SLCO3A1: variants seen among roughly 807,000 people sequenced by gnomAD.
SLCO3A1 encodes solute carrier organic anion transporter family member 3A1, also known as PGE1 transporter.
A neutral mutation model predicts 63.1 loss-of-function variants in SLCO3A1; 27 were observed. The observed-to-expected ratio is 0.43, with a 90% confidence interval of 0.32 to 0.59. The LOEUF (loss-of-function observed/expected upper bound fraction) is 0.59, where lower values mean the gene tolerates loss of function less well. Among genes scored for constraint, SLCO3A1 ranks in the 20% least tolerant of loss-of-function variants. The pLI, the probability that SLCO3A1 is intolerant of heterozygous loss-of-function variation, is 0.09. For synonymous variants in SLCO3A1, 473 were observed against 409.9 expected, an observed-to-expected ratio of 1.15 and a Z score of -1.86; for missense variants, 773 against 945.8, an observed-to-expected ratio of 0.82 and a Z score of 2.40.
intron 1 of SLCO3A1, among the ~76,000 whole-genome samples, chr15:91,898,437 C>T (rs1011205800): frequency 3.3e-5 from 5 of 152,220 alleles, no homozygotes; most frequent in Non-Finnish European, 1.5e-5. Context: ...ACACAAACAT[C>T]TCATTTCTGT....
intron 2 of SLCO3A1, among the ~76,000 whole-genome samples, chr15:92,014,515 A>G (rs1035122887): frequency 6.6e-6 from 1 of 152,188 alleles, no homozygotes; most frequent in African/African-American, 2.4e-5. Flanking sequence ...GAAATGAGCC[A>G]GCATTTAAAC....
chr15:92,104,431 G>A lies in SLCO3A1; in HGVS notation c.898G>A (p.Glu300Lys), dbSNP rs762508029. 16 of 1,614,032 alleles carry A rather than the reference G, an allele frequency of 9.9e-6. No individual in the cohort carries two copies. The highest frequency in any genetic ancestry group is 3.3e-5 in the South Asian group (3 of 91,082). The change falls in exon 4 of 10, where the codon GAG becomes AAG. Residue 300 changes from glutamate (E) to lysine (K), a missense_variant. By Grantham distance (56) the Glu-to-Lys change is moderately conservative. This residue lies in a region of SLCO3A1 where 565 missense variants were observed against 749.8 expected (regional missense o/e 0.75). Transcript: ENST00000318445. ...GCACTCAGAGCCCGCCATGGAAAGC[G>A]AGCAGGCCATGCTCTCCGAAAGAGA... is the stretch of plus-strand genomic sequence containing the variant. ...PPHSEPAMESEQAMLSEREYE... is the reference protein window; with the variant it reads ...PPHSEPAMESKQAMLSEREYE...
At position 92,096,866 on chromosome 15, in the gene SLCO3A1, T is replaced by C. The variant is rs193174422; in HGVS notation, c.745+1887T>C. Among the ~76,000 whole-genome samples, 3 of 152,306 alleles carry C rather than the reference T, an allele frequency of 2.0e-5. No homozygotes were observed. In the East Asian group the frequency reaches 5.8e-4, roughly 29 times the overall value. ...GTCTGTTCCGAAGGTGATTGAGTGC[T>C]GGTGTTTTGCAGCCGTCGGCTGGCC... On this transcript the variant is annotated intron_variant, in intron 3 of 9. Transcript: ENST00000318445.
At chr15:91,899,584 T>C (rs968266705) in intron 1 of SLCO3A1, among the ~76,000 whole-genome samples, 3 of 152,240 alleles carry the variant, frequency 2.0e-5, no homozygotes, top group Non-Finnish European at 4.4e-5. Flanking sequence ...TTTGATCATT[T>C]CTGTGCATTG....
chr15:91,854,130 C>T lies in SLCO3A1; in HGVS notation c.180+42C>T, dbSNP rs889224950. On this transcript the variant is annotated intron_variant, in intron 1 of 9. Coordinates refer to ENST00000318445, the MANE Select transcript of SLCO3A1 (RefSeq NM_013272.4). The surrounding 1 kb of genome is among the most constrained non-coding windows in gnomAD (Gnocchi z 6.4). Reference sequence around the variant, plus strand: ...ACTCCGCCGCGGGCCCCTTCCCCAGCCCGGCTCTCGAGCGGCCGCCTGGCC... The same window carrying T: ...ACTCCGCCGCGGGCCCCTTCCCCAGTCCGGCTCTCGAGCGGCCGCCTGGCC... 5.7e-6 allele frequency: 8 copies of T among 1,391,592 alleles called. No individual in the cohort carries two copies. The Admixed American group carries it at 8.6e-5, about 15-fold the overall frequency. 86.2% of individuals were successfully genotyped at this position (1,391,592 alleles called of 1,614,324 possible).
chr15:92,127,528 A>G (rs1381271958), intron 6 of SLCO3A1, among the ~76,000 whole-genome samples: 1 of 152,286 alleles, frequency 6.6e-6, no homozygotes, highest in Non-Finnish European at 1.5e-5. Context: ...TGAATAGTGC[A>G]TGACGCATAA....
chr15:92,157,447 T>C (rs1321770127), intron 9 of SLCO3A1, among the ~76,000 whole-genome samples: 1 of 151,460 alleles, frequency 6.6e-6, no homozygotes, highest in East Asian at 1.9e-4. Context: ...TCCTCCCTTC[T>C]GGACACACCT....
rs77661245 is a variant in SLCO3A1 at position 91,871,999 on chromosome 15, C to T, written c.180+17911C>T. 4.8e-3 allele frequency among the ~76,000 whole-genome samples: 724 copies of T among 152,074 alleles called. 9 individuals are homozygous for T. Among genetic ancestry groups the T allele is most frequent in the African/African-American group, 0.017 (688 of 41,486 alleles). Reference sequence around the variant, plus strand: ...TTTGCTGATACAAATTCTGGTTGCTCATTTCTTTTCATTGTTTTGCTTTTC... The same window carrying T: ...TTTGCTGATACAAATTCTGGTTGCTTATTTCTTTTCATTGTTTTGCTTTTC... On this transcript the variant is annotated intron_variant, in intron 1 of 9. Transcript: ENST00000318445.
At position 91,977,177 on chromosome 15, in the gene SLCO3A1, G is replaced by A. The variant is rs536818166; in HGVS notation, c.646+60719G>A. ...ATGGATACATGGATTGTGCAAAAACGTACTGCCTGAGGTTTTGTCAGTGCA... is the reference window on the plus strand; with the variant it reads ...ATGGATACATGGATTGTGCAAAAACATACTGCCTGAGGTTTTGTCAGTGCA... On this transcript the variant is annotated intron_variant, in intron 2 of 9. Coordinates refer to ENST00000318445, the MANE Select transcript of SLCO3A1 (RefSeq NM_013272.4). Among the ~76,000 whole-genome samples the A allele has an allele frequency of 1.8e-4, 28 of 152,266 alleles. No individual in the cohort carries two copies. The South Asian group carries it at 3.7e-3, about 20-fold the overall frequency.
At chr15:92,053,075 C>T (rs1597263686) in intron 2 of SLCO3A1, among the ~76,000 whole-genome samples, 1 of 152,148 alleles carries the variant, frequency 6.6e-6, no homozygotes, top group African/African-American at 2.4e-5. Context: ...TCTTATGCCC[C>T]TAAGTTTTTC....
At chr15:92,121,653 C>G (rs796530360) in intron 5 of SLCO3A1, among the ~76,000 whole-genome samples, 1 of 151,838 alleles carries the variant, frequency 6.6e-6, no homozygotes, top group Non-Finnish European at 1.5e-5. Context: ...TTGAGGACAT[C>G]GGAGTGGAAT....
At chr15:91,891,177 T>C (rs1369425828) in intron 1 of SLCO3A1, among the ~76,000 whole-genome samples, 1 of 152,054 alleles carries the variant, frequency 6.6e-6, no homozygotes, top group East Asian at 1.9e-4. Flanking sequence ...CAGAACCATT[T>C]TTAGGTAAGT....
intron 2 of SLCO3A1, among the ~76,000 whole-genome samples, chr15:92,061,702 C>T (rs994499225): frequency 1.3e-5 from 2 of 152,196 alleles, no homozygotes; most frequent in African/African-American, 4.8e-5. Context: ...GTTCCAGGCC[C>T]TCAGGAAAGC....
rs565234731 is a variant in SLCO3A1, at chr15:91,926,558, C to CGTGTGTGTGTGTGTGTGTGTGT, written c.646+10118_646+10139dup. The stretch of plus-strand genomic sequence containing the variant: ...CTTTGCCATTTCATTCCTGCCAAGC[C>CGTGTGTGTGTGTGTGTGTGTGT]GTGTGTGTGTGTGTGTGTGTGTGTG... On this transcript the variant is annotated intron_variant, in intron 2 of 9. Coordinates refer to ENST00000318445, the MANE Select transcript of SLCO3A1 (RefSeq NM_013272.4). 8.2e-4 allele frequency among the ~76,000 whole-genome samples: 104 copies of CGTGTGTGTGTGTGTGTGTGTGT among 126,068 alleles called. 1 individual carries two copies. Among genetic ancestry groups the CGTGTGTGTGTGTGTGTGTGTGT allele is most frequent in the African/African-American group, 2.7e-3 (80 of 29,738 alleles). The allele number at this position is 126,068 out of a possible 152,430, so 82.7% of individuals were successfully genotyped here.
At chr15:92,054,237 G>T (rs1038601867) in intron 2 of SLCO3A1, among the ~76,000 whole-genome samples, 1 of 152,148 alleles carries the variant, frequency 6.6e-6, no homozygotes, top group Non-Finnish European at 1.5e-5. Context: ...AGATGCTCTA[G>T]ACTCATGCTG....
intron 2 of SLCO3A1, among the ~76,000 whole-genome samples, chr15:92,026,618 T>G (rs112215413): frequency 4.0e-4 from 61 of 152,316 alleles, no homozygotes; most frequent in African/African-American, 1.4e-3. Context: ...GAATTTGATG[T>G]GAGTTCATAG....
chr15:92,016,225 A>ATAGATAGATAGATAGATAGATAGAT (rs2046426450), intron 2 of SLCO3A1, among the ~76,000 whole-genome samples: 1 of 89,230 alleles, frequency 1.1e-5, no homozygotes, highest in African/African-American at 5.3e-5. Context: ...AGATAGATAG[A>ATAGATAGATAGATAGATAGATAGAT]TAGATAGATA....
At chr15:91,877,314 C>G (rs1897424039) in intron 1 of SLCO3A1, among the ~76,000 whole-genome samples, 1 of 152,190 alleles carries the variant, frequency 6.6e-6, no homozygotes, top group South Asian at 2.1e-4. Context: ...TCTCTAATCT[C>G]TCTTAACCTT....
chr15:92,129,753 C>A (rs1596127284), intron 7 of SLCO3A1, among the ~76,000 whole-genome samples: 2 of 151,984 alleles, frequency 1.3e-5, no homozygotes, highest in Non-Finnish European at 2.9e-5. Context: ...GCAGCAATTT[C>A]TCTGAAAGAA....
Sources: gnomAD v4.1 joint callset for allele counts (sites outside exome capture counted in the v4.1 genomes callset) on GRCh38, gnomAD v4.1.1 for gene constraint, gnomAD v4.1.1 regional missense constraint, Gnocchi (gnomAD v3.1) non-coding constraint, MANE v1.5 for transcripts, NCBI Gene and HGNC (gene_info 2026-07-23, HGNC 2026-07-21) for gene names.